The following LY6S variants were observed in gnomAD, a reference collection of about 807,000 sequenced individuals.
The protein encoded by LY6S is lymphocyte antigen 6 family member S, also known as lymphocyte antigen 6S.
the LY6S span, among the ~76,000 whole-genome samples, chr8:143,067,612 C>T: frequency 6.6e-6 from 1 of 152,188 alleles, no homozygotes; most frequent in Non-Finnish European, 1.5e-5. Flanking sequence ...CCCGCGTCGG[C>T]GCTGGTCTCT....
chr8:143,061,289 A>T, the LY6S span, among the ~76,000 whole-genome samples: 1 of 152,144 alleles, frequency 6.6e-6, no homozygotes, highest in Non-Finnish European at 1.5e-5. Context: ...CTGAATGAAA[A>T]GAATGGGAAA....
the LY6S span, among the ~76,000 whole-genome samples, chr8:143,059,327 G>GT: frequency 6.6e-6 from 1 of 152,056 alleles, no homozygotes; most frequent in African/African-American, 2.4e-5. Context: ...ATGTTTTATG[G>GT]TTTTAAGTCC....
At chr8:143,049,356 G>A in the LY6S span, 1 of 508,874 alleles carries the variant, frequency 2.0e-6, no homozygotes. Flanking sequence ...GTACAAGTTA[G>A]CTGACAATGA....
chr8:143,066,061 ACAGCTTGGGAAGCACATAGG>A, the LY6S span: 2 of 392,976 alleles, frequency 5.1e-6, no homozygotes, highest in Non-Finnish European at 9.7e-6. Context: ...AGCTTCACAT[ACAGCTTGGGAAGCACATAGG>A]CATCGAAGAC....
chr8:143,063,746 T>A, the LY6S span, among the ~76,000 whole-genome samples: 1 of 152,186 alleles, frequency 6.6e-6, no homozygotes, highest in African/African-American at 2.4e-5. Context: ...AGTCTGCACT[T>A]TTACTGCAGG....
the LY6S span, chr8:143,066,616 G>C: frequency 4.6e-6 from 1 of 215,368 alleles, no homozygotes; most frequent in Non-Finnish European, 9.7e-6. Context: ...AAAGAGGACA[G>C]TTGTTCCTTT....
the LY6S span, chr8:143,059,504 G>GAATAATAACTA: frequency 1.3e-5 from 2 of 152,044 alleles, no homozygotes; most frequent in Non-Finnish European, 2.9e-5. Flanking sequence ...AAGAGAAGCA[G>GAATAATAACTA]AATAATAACT....
chr8:143,048,770 G>A, the LY6S span, among the ~76,000 whole-genome samples: 9 of 152,172 alleles, frequency 5.9e-5, no homozygotes, highest in African/African-American at 1.2e-4. Flanking sequence ...GTGCCTGGCC[G>A]AAATCTGTTT....
chr8:143,057,782 G>A, the LY6S span: 2 of 782,592 alleles, frequency 2.6e-6, no homozygotes, highest in South Asian at 2.7e-5. Context: ...TTCTGCCTGT[G>A]GATGTGTTCT....
the LY6S span, among the ~76,000 whole-genome samples, chr8:143,052,085 T>A: frequency 6.6e-6 from 1 of 150,602 alleles, no homozygotes; most frequent in Non-Finnish European, 1.5e-5. Context: ...ATGGAGACCA[T>A]CCTGGCTAAC....
chr8:143,065,797 T>TTC, the LY6S span: 3 of 139,606 alleles, frequency 2.1e-5, no homozygotes, highest in East Asian at 6.1e-4. Flanking sequence ...CTTTCTTTCT[T>TTC]TCTTTCTTTC....
At chr8:143,044,593 G>A in the LY6S span, 5 of 1,234,160 alleles carry the variant, frequency 4.1e-6, no homozygotes, top group Non-Finnish European at 5.3e-6. Context: ...CTGAGGGCTT[G>A]TAGGGGGACC....
chr8:143,044,046 G>A, the LY6S span: 1 of 410,774 alleles, frequency 2.4e-6, no homozygotes, highest in Admixed American at 2.5e-5. Context: ...CGAGAGCTGA[G>A]GGTGCTGAGG....
chr8:143,062,696 A>G, the LY6S span, among the ~76,000 whole-genome samples: 1 of 152,122 alleles, frequency 6.6e-6, no homozygotes. Context: ...TACACATGAG[A>G]AAAAAATGGA....
At chr8:143,043,110 G>T in the LY6S span, 1 of 1,367,358 alleles carries the variant, frequency 7.3e-7, no homozygotes, top group South Asian at 1.1e-5. Flanking sequence ...GGGAGAGGGC[G>T]GGAAAGGCCC....
the LY6S span, among the ~76,000 whole-genome samples, chr8:143,062,638 A>G: frequency 6.6e-6 from 1 of 152,234 alleles, no homozygotes; most frequent in African/African-American, 2.4e-5. Flanking sequence ...GCACCATTGC[A>G]TTCCAGCCTG....
chr8:143,061,187 G>A, the LY6S span, among the ~76,000 whole-genome samples: 2 of 151,840 alleles, frequency 1.3e-5, no homozygotes, highest in Non-Finnish European at 2.9e-5. Context: ...GCACTTTGAG[G>A]GGCTGAGGTC....
chr8:143,042,955 C>T, the LY6S span: 2 of 1,322,676 alleles, frequency 1.5e-6, no homozygotes, highest in South Asian at 1.1e-5. Flanking sequence ...TGTTCCCTGA[C>T]AGGGAAGCCC....
chr8:143,062,487 G>A, the LY6S span, among the ~76,000 whole-genome samples: 1 of 152,268 alleles, frequency 6.6e-6, no homozygotes, highest in South Asian at 2.1e-4. Context: ...TCAACATGGC[G>A]AAATCCTGTT....
Sources: gnomAD v4.1 joint callset for allele counts (sites outside exome capture counted in the v4.1 genomes callset) on GRCh38, gnomAD v4.1.1 for gene constraint, MANE v1.5 for transcripts, NCBI Gene and HGNC (gene_info 2026-07-23, HGNC 2026-07-21) for gene names.